Variants in CLSTN2 observed in about 807,000 individuals in gnomAD.
CLSTN2 encodes the protein calsyntenin 2.
In CLSTN2, 48 loss-of-function variants were observed where a neutral mutation model predicts 101.2. That is an observed-to-expected ratio of 0.47 (90% CI 0.38 to 0.60). The LOEUF is 0.60. CLSTN2 is among the 20% of genes least tolerant of loss of function. The pLI is 0.00. For synonymous variants in CLSTN2, 481 were observed against 463.6 expected, an observed-to-expected ratio of 1.04 and a Z score of -0.48; for missense variants, 1,160 against 1,238.2, an observed-to-expected ratio of 0.94 and a Z score of 0.95.
At chr3:140,306,170 T>G (rs2087112259) in intron 2 of CLSTN2, among the ~76,000 whole-genome samples, 1 of 152,198 alleles carries the variant, frequency 6.6e-6, no homozygotes, top group African/African-American at 2.4e-5. Context: ...CAGTTGCACA[T>G]TCTGTGTATC....
At chr3:140,560,935 C>G (rs926430268) in intron 12 of CLSTN2, among the ~76,000 whole-genome samples, 2 of 151,782 alleles carry the variant, frequency 1.3e-5, no homozygotes, top group African/African-American at 4.8e-5. Context: ...TGATTATACA[C>G]GAAACCATTG....
At chr3:140,242,217 A>G (rs2086476442) in intron 2 of CLSTN2, among the ~76,000 whole-genome samples, 1 of 152,090 alleles carries the variant, frequency 6.6e-6, no homozygotes, top group Admixed American at 6.6e-5. Flanking sequence ...CAGCCACAGT[A>G]TTTTATAAAT....
At chr3:140,086,237 G>T (rs756918206) in intron 1 of CLSTN2, among the ~76,000 whole-genome samples, 2 of 152,150 alleles carry the variant, frequency 1.3e-5, no homozygotes, top group Non-Finnish European at 2.9e-5. Context: ...CGGTGATAAC[G>T]AATGCTGGGG....
At chr3:140,067,898 C>T (rs2008326163) in intron 1 of CLSTN2, among the ~76,000 whole-genome samples, 3 of 152,178 alleles carry the variant, frequency 2.0e-5, no homozygotes, top group Admixed American at 6.5e-5. Context: ...GTTACTGTCT[C>T]TCTGGTTGAA....
chr3:140,299,755 G>A (rs2087041065), intron 2 of CLSTN2, among the ~76,000 whole-genome samples: 3 of 152,284 alleles, frequency 2.0e-5, no homozygotes, highest in Middle Eastern at 3.4e-3. Context: ...CCCAAAGTTC[G>A]TAATAAATAT....
At chr3:140,243,128 C>T (rs1343007298) in intron 2 of CLSTN2, among the ~76,000 whole-genome samples, 1 of 152,174 alleles carries the variant, frequency 6.6e-6, no homozygotes, top group Non-Finnish European at 1.5e-5. Context: ...GGAATAAAGG[C>T]CTTCTCAAGT....
chr3:140,282,149 T>C (rs1309149630), intron 2 of CLSTN2, among the ~76,000 whole-genome samples: 1 of 152,190 alleles, frequency 6.6e-6, no homozygotes, highest in African/African-American at 2.4e-5. Context: ...TTACACTGCT[T>C]ACATGATGTT....
At chr3:140,146,120 G>A (rs535758981) in intron 1 of CLSTN2, among the ~76,000 whole-genome samples, 16 of 152,306 alleles carry the variant, frequency 1.1e-4, no homozygotes, top group Admixed American at 2.6e-4. Flanking sequence ...GGCCCTGCTC[G>A]TTTAGAAAGC....
At chr3:140,206,557 C>A (rs756852280) in intron 2 of CLSTN2, among the ~76,000 whole-genome samples, 3 of 152,194 alleles carry the variant, frequency 2.0e-5, no homozygotes, top group Non-Finnish European at 4.4e-5. Flanking sequence ...CACGTGAAAA[C>A]CAAACACTGG....
intron 8 of CLSTN2, among the ~76,000 whole-genome samples, chr3:140,482,335 C>A (rs891156565): frequency 1.3e-5 from 2 of 152,292 alleles, no homozygotes; most frequent in Non-Finnish European, 1.5e-5. Context: ...TGATGTGCTG[C>A]TGGATTCAGT....
intron 2 of CLSTN2, among the ~76,000 whole-genome samples, chr3:140,266,308 G>T (rs1224451164): frequency 6.6e-6 from 1 of 152,236 alleles, no homozygotes; most frequent in Non-Finnish European, 1.5e-5. Flanking sequence ...ACAAAGTAAA[G>T]CAACATTAGA....
chr3:140,373,360 C>T (rs1461628100), intron 2 of CLSTN2, among the ~76,000 whole-genome samples: 2 of 152,196 alleles, frequency 1.3e-5, no homozygotes, highest in East Asian at 1.9e-4. Context: ...CCCCCTACTG[C>T]TCCTTGAGTA....
chr3:139,984,802 G>A (rs1462105602), intron 1 of CLSTN2, among the ~76,000 whole-genome samples: 1 of 152,114 alleles, frequency 6.6e-6, no homozygotes, highest in African/African-American at 2.4e-5. Context: ...CTCCTGCCTT[G>A]TATCTCAGAT....
intron 1 of CLSTN2, among the ~76,000 whole-genome samples, chr3:139,970,630 C>T (rs1935680142): frequency 6.6e-6 from 1 of 152,176 alleles, no homozygotes. Flanking sequence ...TTGCGTGCCT[C>T]ATCCTGAACA....
intron 1 of CLSTN2, among the ~76,000 whole-genome samples, chr3:140,169,046 T>A (rs1275572615): frequency 6.6e-6 from 1 of 152,084 alleles, no homozygotes; most frequent in Non-Finnish European, 1.5e-5. Flanking sequence ...GTAATTTTGG[T>A]TGGAGTTACA....
chr3:140,061,308 T>G (rs1478275464), intron 1 of CLSTN2, among the ~76,000 whole-genome samples: 1 of 152,186 alleles, frequency 6.6e-6, no homozygotes, highest in Non-Finnish European at 1.5e-5. Context: ...GTTTCTAACA[T>G]AAGTCCATTT....
intron 5 of CLSTN2, among the ~76,000 whole-genome samples, chr3:140,446,204 T>C (rs1933073507): frequency 6.6e-6 from 1 of 152,188 alleles, no homozygotes. Context: ...CTTGAGGCTT[T>C]TAGAGCATGG....
Position 140,421,139 on chromosome 3 carries a change from A to G in CLSTN2, c.652A>G (p.Thr218Ala). 1 of 1,614,014 alleles carries G rather than the reference A, an allele frequency of 6.2e-7. No individual in the cohort carries two copies. Among genetic ancestry groups the G allele is most frequent in the Non-Finnish European group, 8.5e-7 (1 of 1,179,976 alleles). The change falls in exon 5 of 17, where the codon ACT becomes GCT. Residue 218 changes from threonine (T) to alanine (A), a missense_variant. Physicochemically the swap from Thr to Ala is moderately conservative, Grantham distance 58 (BLOSUM62 0). Coordinates refer to ENST00000458420, the MANE Select transcript of CLSTN2 (RefSeq NM_022131.3). ...CTGTTCCTCAGGCAACATCAGGAAC[A>G]CTGAGAAGCTGAGCTATGACAAACA... is the stretch of plus-strand genomic sequence containing the variant. ...AIDRNGNIRN[T>A]EKLSYDKQHQ...
At chr3:140,519,610 T>C (rs1934987706) in intron 8 of CLSTN2, among the ~76,000 whole-genome samples, 1 of 152,190 alleles carries the variant, frequency 6.6e-6, no homozygotes, top group Admixed American at 6.5e-5. Flanking sequence ...TTTTTCTTTA[T>C]TGGTTTAAAC....
Sources: gnomAD v4.1 joint callset for allele counts (sites outside exome capture counted in the v4.1 genomes callset) on GRCh38, gnomAD v4.1.1 for gene constraint, MANE v1.5 for transcripts, NCBI Gene and HGNC (gene_info 2026-07-23, HGNC 2026-07-21) for gene names.